The following CHD9 variants were observed in gnomAD, a reference collection of about 807,000 sequenced individuals.
CHD9 encodes ATP-dependent chromatin remodeler CHD9.
In CHD9, 77 loss-of-function variants were observed where a neutral mutation model predicts 316.1. The observed-to-expected ratio is 0.24, with a 90% CI of 0.20 to 0.29. The LOEUF (loss-of-function observed/expected upper bound fraction) is 0.29. CHD9 is among the 10% of genes least tolerant of loss of function. The pLI, the probability that CHD9 is intolerant of heterozygous loss-of-function variation, is 1.00. For missense variants in CHD9, 2,763 were observed against 3,438.1 expected, an observed-to-expected ratio of 0.80 and a Z score of 4.91; for synonymous variants, 1,129 against 1,158.3, an observed-to-expected ratio of 0.97 and a Z score of 0.51.
intron 1 of CHD9, among the ~76,000 whole-genome samples, chr16:53,106,831 G>A (rs916336955): frequency 3.3e-5 from 5 of 152,180 alleles, no homozygotes; most frequent in African/African-American, 1.2e-4. Flanking sequence ...AAGAGGTAAT[G>A]TGTATGTTCA....
intron 2 of CHD9, among the ~76,000 whole-genome samples, chr16:53,184,803 T>A (rs962007926): frequency 2.6e-5 from 4 of 152,134 alleles, no homozygotes; most frequent in Non-Finnish European, 5.9e-5. Context: ...CAGGGGCAGT[T>A]TCCACCATCC....
chr16:53,187,857 T>A (rs2044161866), intron 2 of CHD9, among the ~76,000 whole-genome samples: 1 of 152,164 alleles, frequency 6.6e-6, no homozygotes, highest in Admixed American at 6.5e-5. Flanking sequence ...TCAGCTATAG[T>A]CTACTGTTTT....
chr16:53,225,154 A>C (rs2047548075), intron 4 of CHD9, among the ~76,000 whole-genome samples: 2 of 152,166 alleles, frequency 1.3e-5, no homozygotes, highest in Admixed American at 1.3e-4. Flanking sequence ...GCAGTGACTC[A>C]GCCATTTTTG....
At chr16:53,311,184 A>G (rs1298886401) in intron 34 of CHD9, 3 of 152,060 alleles carry the variant, frequency 2.0e-5, no homozygotes, top group Admixed American at 1.3e-4. Flanking sequence ...CAAAAAAAAA[A>G]AAAAAAATTG....
intron 1 of CHD9, among the ~76,000 whole-genome samples, chr16:53,134,838 C>A (rs945404853): frequency 1.3e-5 from 2 of 152,160 alleles, no homozygotes; most frequent in African/African-American, 4.8e-5. Context: ...GAAGTGCTCC[C>A]TTAATTTATG....
At chr16:53,293,211 A>G (rs763626888) in intron 29 of CHD9, among the ~76,000 whole-genome samples, 159 bp downstream of exon 29, 7 of 152,208 alleles carry the variant, frequency 4.6e-5, no homozygotes, top group Non-Finnish European at 1.0e-4. Flanking sequence ...TCACACATTT[A>G]TATATGTATG....
chr16:53,112,178 C>G (rs1201896850), intron 1 of CHD9, among the ~76,000 whole-genome samples: 1 of 152,226 alleles, frequency 6.6e-6, no homozygotes, highest in Non-Finnish European at 1.5e-5. Flanking sequence ...CAACTTTCAA[C>G]TTTCCAGATC....
At chr16:53,079,986 C>A (rs190758501) in intron 1 of CHD9, among the ~76,000 whole-genome samples, 50 of 152,256 alleles carry the variant, frequency 3.3e-4, no homozygotes, top group African/African-American at 4.6e-4. Flanking sequence ...GGCATGGGGA[C>A]CTCCTGAATT....
chr16:53,193,430 C>G (rs1177652048), intron 2 of CHD9, among the ~76,000 whole-genome samples: 1 of 151,346 alleles, frequency 6.6e-6, no homozygotes, highest in Non-Finnish European at 1.5e-5. Flanking sequence ...GCGTGGGTGA[C>G]AGAGTGAGAC....
At chr16:53,248,539 T>C (rs1359132146) in intron 16 of CHD9, among the ~76,000 whole-genome samples, 1 of 148,128 alleles carries the variant, frequency 6.8e-6, no homozygotes, top group Non-Finnish European at 1.5e-5. Context: ...TTTTTTTTTT[T>C]TTTGAAGACA....
chr16:53,194,322 A>T (rs1056608011), intron 2 of CHD9, among the ~76,000 whole-genome samples: 1 of 152,152 alleles, frequency 6.6e-6, no homozygotes, highest in Admixed American at 6.5e-5. Context: ...TCATGCCTAT[A>T]ATCCTAGTAC....
chr16:53,157,433 T>C lies in CHD9; in HGVS notation c.1344T>C (p.Pro448=). The C allele has an allele frequency of 6.2e-7, 1 of 1,614,020 alleles. No individual in the cohort carries two copies. The highest frequency in any genetic ancestry group is 1.1e-5 in the South Asian group (1 of 91,084). The change falls in exon 2 of 39, where the codon CCT becomes CCC. Residue 448 remains proline, a synonymous_variant. Coordinates refer to ENST00000447540, the MANE Select transcript of CHD9 (RefSeq NM_001308319.2). The stretch of plus-strand genomic sequence containing the variant: ...TTACTTCGCATCTGGTAACACGGCC[T>C]TCTGATATGGCTCAGACTCAGTTGC... ...RQFTSHLVTR[P]SDMAQTQLQS...
rs1354841756 is a variant in CHD9 at position 53,218,558 on chromosome 16, C to T, written c.1785-4086C>T. 2.0e-5 allele frequency among the ~76,000 whole-genome samples: 3 copies of T among 152,022 alleles called. No individual in the cohort carries two copies. In the East Asian group the frequency reaches 5.8e-4, roughly 29 times the overall value. On this transcript the variant is annotated intron_variant, in intron 3 of 38. Coordinates refer to ENST00000447540, the MANE Select transcript of CHD9 (RefSeq NM_001308319.2). ...CTTCATTTAATCATTAACCCTTATG[C>T]TATTGTAAAGGAATAGCGGAACCAG...
intron 2 of CHD9, among the ~76,000 whole-genome samples, chr16:53,159,069 A>T (rs1465033929): frequency 6.6e-6 from 1 of 152,124 alleles, no homozygotes; most frequent in Non-Finnish European, 1.5e-5. Flanking sequence ...GAGACCAGGA[A>T]TTCCAGACCA....
chr16:53,091,371 C>T (rs138351662), intron 1 of CHD9, among the ~76,000 whole-genome samples: 3 of 152,306 alleles, frequency 2.0e-5, no homozygotes, highest in African/African-American at 4.8e-5. Context: ...ACAGGATCTG[C>T]CTCCTGGGAT....
chr16:53,138,636 A>G (rs2039887883), intron 1 of CHD9, among the ~76,000 whole-genome samples: 1 of 152,200 alleles, frequency 6.6e-6, no homozygotes, highest in Non-Finnish European at 1.5e-5. Flanking sequence ...TAGAGGCTTC[A>G]TATAGAAGAT....
intron 2 of CHD9, among the ~76,000 whole-genome samples, chr16:53,184,098 C>T (rs1171290267): frequency 1.3e-5 from 2 of 151,988 alleles, no homozygotes; most frequent in Non-Finnish European, 2.9e-5. Flanking sequence ...GCGCCCGGCA[C>T]CACGCCCGGC....
intron 13 of CHD9, among the ~76,000 whole-genome samples, chr16:53,244,985 G>A (rs2049450643): frequency 6.6e-6 from 1 of 151,996 alleles, no homozygotes; most frequent in Non-Finnish European, 1.5e-5. Flanking sequence ...GTGTTGTGGT[G>A]CATACCTGTA....
chr16:53,268,244 C>A, intron 22 of CHD9, 118 bp downstream of exon 22: 2 of 717,294 alleles, frequency 2.8e-6, no homozygotes, highest in Non-Finnish European at 4.4e-6. Context: ...CCTTAACCTT[C>A]ACTCCCAATT....
Sources: gnomAD v4.1 joint callset for allele counts (sites outside exome capture counted in the v4.1 genomes callset) on GRCh38, gnomAD v4.1.1 for gene constraint, MANE v1.5 for transcripts, NCBI Gene and HGNC (gene_info 2026-07-23, HGNC 2026-07-21) for gene names.